The following CDH23 variants were observed in gnomAD, a reference collection of about 807,000 sequenced individuals.
CDH23 encodes the protein cadherin-23.
CDH23 carries 189 observed loss-of-function variants against 317.1 expected under a neutral mutation model. That is an observed-to-expected ratio of 0.60 (90% confidence interval 0.53 to 0.67). CDH23 has a LOEUF of 0.67. Ranked by LOEUF, CDH23 falls within the 30% of genes least tolerant of loss-of-function variation. The probability of loss-of-function intolerance (pLI) is 0.00; values close to 1 mark genes in which losing one functional copy is unlikely to be tolerated. For synonymous variants in CDH23, 1,839 were observed against 1,876.8 expected, an observed-to-expected ratio of 0.98 and a Z score of 0.52; for missense variants, 4,401 against 4,592.4, an observed-to-expected ratio of 0.96 and a Z score of 1.20.
intron 9 of CDH23, among the ~76,000 whole-genome samples, chr10:71,590,996 G>C (rs1002609923): frequency 6.6e-6 from 1 of 152,188 alleles, no homozygotes; most frequent in South Asian, 2.1e-4. Flanking sequence ...TTCCACATGG[G>C]TGGTCTTGAG....
At chr10:71,408,890 C>T (rs865886255) in intron 1 of CDH23, among the ~76,000 whole-genome samples, 11 of 152,174 alleles carry the variant, frequency 7.2e-5, no homozygotes, top group East Asian at 3.8e-4. Flanking sequence ...CTCAGAAGTC[C>T]GTGGTACTAA....
chr10:71,760,024 TATACACACACAC>T, intron 38 of CDH23, among the ~76,000 whole-genome samples: 1 of 95,082 alleles, frequency 1.1e-5, no homozygotes, highest in African/African-American at 3.7e-5. Flanking sequence ...CACACACATA[TATACACACACAC>T]ACATATATAC....
chr10:71,481,181 A>T (rs894195473), intron 3 of CDH23, among the ~76,000 whole-genome samples: 5 of 152,104 alleles, frequency 3.3e-5, no homozygotes, highest in African/African-American at 1.2e-4. Flanking sequence ...TGCTCTGCTC[A>T]TGGGTGCACT....
chr10:71,508,710 T>A (rs779881039), intron 3 of CDH23, among the ~76,000 whole-genome samples: 6 of 152,220 alleles, frequency 3.9e-5, no homozygotes, highest in Non-Finnish European at 8.8e-5. Flanking sequence ...TAGGGGAAAC[T>A]GAAACCTGGA....
At chr10:71,446,491 A>T in intron 3 of CDH23, 96 bp downstream of exon 3, 1 of 1,279,690 alleles carries the variant, frequency 7.8e-7, no homozygotes. Context: ...GTCATCTTCC[A>T]CCTGATTTTG....
chr10:71,658,780 C>T (rs1252438692), intron 14 of CDH23, among the ~76,000 whole-genome samples: 2 of 152,164 alleles, frequency 1.3e-5, no homozygotes, highest in African/African-American at 2.4e-5. Flanking sequence ...GACGGTCTGA[C>T]CCCAAAGCCC....
At chr10:71,453,892 G>A (rs1850565935) in intron 3 of CDH23, among the ~76,000 whole-genome samples, 2 of 152,174 alleles carry the variant, frequency 1.3e-5, no homozygotes, top group Admixed American at 6.5e-5. Flanking sequence ...TCTGCCCACC[G>A]TGTTCACAGA....
chr10:71,405,504 C>T lies in CDH23; in HGVS notation c.-6+8186C>T, dbSNP rs548594708. 6.0e-5 allele frequency among the ~76,000 whole-genome samples: 9 copies of T among 148,872 alleles called. No homozygotes were observed. The South Asian group carries it at 1.9e-3, about 32-fold the overall frequency. ...ACTGGAATGAGTACAGTGGTGCAAT[C>T]TCGGCTCACTGCAACCGCCACCTCC... On this transcript the variant is annotated intron_variant, in intron 1 of 69. Coordinates refer to ENST00000224721, the MANE Select transcript of CDH23 (RefSeq NM_022124.6).
chr10:71,438,235 C>CG (rs35180841), intron 1 of CDH23, among the ~76,000 whole-genome samples: 1 of 149,512 alleles, frequency 6.7e-6, no homozygotes, highest in Admixed American at 6.7e-5. Flanking sequence ...CCCAGCTACT[C>CG]GGGGGGGCTG....
chr10:71,672,884 C>T lies in CDH23; in HGVS notation c.1450-2228C>T, dbSNP rs113031727. ...AGATCTGAAGGGCTCATCCCCAGGG[C>T]TCAGATGTGACCTTCTCCAGGGGCA... On this transcript the variant is annotated intron_variant, in intron 14 of 69. Transcript: ENST00000224721. Among the ~76,000 whole-genome samples the T allele has an allele frequency of 9.4e-3, 1,438 of 152,238 alleles. 21 individuals carry two copies. Among genetic ancestry groups the T allele is most frequent in the African/African-American group, 0.033 (1,369 of 41,528 alleles).
intron 3 of CDH23, among the ~76,000 whole-genome samples, chr10:71,507,845 G>C (rs534445392): frequency 2.0e-5 from 3 of 152,184 alleles, no homozygotes; most frequent in Non-Finnish European, 4.4e-5. Flanking sequence ...CTCTTACACC[G>C]TCTAGAAAGA....
At chr10:71,521,874 C>T (rs1397822681) in intron 6 of CDH23, among the ~76,000 whole-genome samples, 1 of 152,238 alleles carries the variant, frequency 6.6e-6, no homozygotes, top group Non-Finnish European at 1.5e-5. Context: ...CTTGGCCCAG[C>T]CTTTCCTTCC....
chr10:71,794,593 G>A (rs1264953934), intron 48 of CDH23: 2 of 152,214 alleles, frequency 1.3e-5, no homozygotes, highest in Non-Finnish European at 2.9e-5. Context: ...AATGATAGAA[G>A]AATCAACATG....
At chr10:71,444,144 G>A (rs1271255795) in intron 2 of CDH23, among the ~76,000 whole-genome samples, 1 of 152,254 alleles carries the variant, frequency 6.6e-6, no homozygotes, top group East Asian at 1.9e-4. Context: ...GGGATCAAAA[G>A]CCTTCCCGTC....
At chr10:71,706,494 T>A (rs1452241489) in intron 25 of CDH23, among the ~76,000 whole-genome samples, 1 of 152,152 alleles carries the variant, frequency 6.6e-6, no homozygotes, top group East Asian at 1.9e-4. Flanking sequence ...TGGTCCTGTA[T>A]GGGAAGCACT....
chr10:71,720,972 C>G (rs1003624898), intron 28 of CDH23, among the ~76,000 whole-genome samples: 17 of 152,308 alleles, frequency 1.1e-4, no homozygotes, highest in African/African-American at 3.6e-4. Context: ...GCCCAGAGTC[C>G]CCATTGGGAT....
In CDH23 at chr10:71,730,614, G is replaced by T; in HGVS notation, c.3715+10G>T. ...ACAGACCGAGACTCTGGTGAGGCTG[G>T]CAGGAGGAAGCCGGGGATCCCATTG... On this transcript the variant is annotated intron_variant, in intron 31 of 69. Transcript: ENST00000224721. The T allele has an allele frequency of 6.2e-7, 1 of 1,613,546 alleles. No individual in the cohort carries two copies. Among genetic ancestry groups the T allele is most frequent in the Non-Finnish European group, 8.5e-7 (1 of 1,179,878 alleles).
intron 9 of CDH23, among the ~76,000 whole-genome samples, chr10:71,583,483 G>A (rs1049093600): frequency 1.3e-5 from 2 of 152,070 alleles, no homozygotes; most frequent in Admixed American, 6.5e-5. Context: ...AAGAGGTTGG[G>A]GTGTCCAGCT....
At chr10:71,776,762 A>G (rs989843589) in intron 38 of CDH23, among the ~76,000 whole-genome samples, 18 of 152,190 alleles carry the variant, frequency 1.2e-4, no homozygotes, top group Admixed American at 8.5e-4. Context: ...AACCGCAGTG[A>G]GGAATGGAGG....
Sources: gnomAD v4.1 joint callset for allele counts (sites outside exome capture counted in the v4.1 genomes callset) on GRCh38, gnomAD v4.1.1 for gene constraint, MANE v1.5 for transcripts, NCBI Gene and HGNC (gene_info 2026-07-23, HGNC 2026-07-21) for gene names.